The following BLOC1S5 variants were observed in gnomAD, a reference collection of about 807,000 sequenced individuals.
BLOC1S5 encodes biogenesis of lysosomal organelles complex 1 subunit 5.
A neutral mutation model predicts 24.3 loss-of-function variants in BLOC1S5; 27 were observed. The ratio of observed to expected loss-of-function variants is 1.11; its 90% CI spans 0.82 to 1.53. The LOEUF is 1.53. BLOC1S5 is among the 40% of genes most tolerant of loss of function. The pLI, the probability that BLOC1S5 is intolerant of heterozygous loss-of-function variation, is 0.00. For missense variants in BLOC1S5, 239 were observed against 229.4 expected (o/e 1.04, Z -0.27); for synonymous variants, 84 against 74.5 (o/e 1.13, Z -0.66).
intron 3 of BLOC1S5, among the ~76,000 whole-genome samples, chr6:8,028,349 A>T (rs1763177551): frequency 6.8e-6 from 1 of 146,304 alleles, no homozygotes; most frequent in African/African-American, 2.5e-5. Flanking sequence ...ATTGATTTTT[A>T]AAAAAGAAAA....
rs960051165 is a variant in BLOC1S5 at position 8,014,676 on chromosome 6, C to T, written c.*973G>A. 2.0e-5 allele frequency: 3 copies of T among 152,160 alleles called. No homozygotes were observed. Among genetic ancestry groups the T allele is most frequent in the Non-Finnish European group, 4.4e-5 (3 of 68,032 alleles). 9.4% of individuals were successfully genotyped at this position (152,160 alleles called of 1,614,324 possible). On this transcript the variant is annotated 3_prime_UTR_variant, in exon 5 of 5. Coordinates refer to ENST00000397457, the MANE Select transcript of BLOC1S5 (RefSeq NM_201280.3). Reference sequence around the variant, plus strand: ...CTGCTTATGAGAACAGACATTAACACTAAAAAGGATTTACATTTAACATGG... The same window carrying T: ...CTGCTTATGAGAACAGACATTAACATTAAAAAGGATTTACATTTAACATGG...
At chr6:8,042,909 A>C (rs1372867463) in intron 2 of BLOC1S5, among the ~76,000 whole-genome samples, 1 of 152,186 alleles carries the variant, frequency 6.6e-6, no homozygotes, top group African/African-American at 2.4e-5. Context: ...ATTACACTTT[A>C]CATGTGTTGT....
chr6:8,013,670 C>T lies in BLOC1S5; in HGVS notation c.*1979G>A, dbSNP rs1176721779. ...GTTAAGAATATATTCCCTTCACACACACAATCTTAATTTCTTGGTTACAGC... is the reference window on the plus strand; with the variant it reads ...GTTAAGAATATATTCCCTTCACACATACAATCTTAATTTCTTGGTTACAGC... On this transcript the variant is annotated 3_prime_UTR_variant, in exon 5 of 5. Coordinates refer to ENST00000397457, the MANE Select transcript of BLOC1S5 (RefSeq NM_201280.3). 6.6e-6 allele frequency: 1 copy of T among 152,230 alleles called. No homozygotes were observed. The highest frequency in any genetic ancestry group is 2.4e-5 in the African/African-American group (1 of 41,464). The allele number at this position is 152,230 out of a possible 1,614,324, so 9.4% of individuals were successfully genotyped here. A position where few individuals can be genotyped will look rare whatever the true frequency, so the allele number is the denominator to read the frequency against.
intron 3 of BLOC1S5, chr6:8,027,424 T>C (rs147024231): frequency 2.6e-4 from 119 of 456,734 alleles, no homozygotes; most frequent in African/African-American, 8.8e-4. Flanking sequence ...TAACAACTAA[T>C]AACAGGGCTT....
chr6:8,020,496 A>T (rs991120124), intron 4 of BLOC1S5, among the ~76,000 whole-genome samples: 1 of 152,166 alleles, frequency 6.6e-6, no homozygotes, highest in East Asian at 1.9e-4. Context: ...CATTTCCCTA[A>T]GCTAGTTACC....
At chr6:8,027,941 T>C (rs1269094145) in intron 3 of BLOC1S5, among the ~76,000 whole-genome samples, 1 of 152,200 alleles carries the variant, frequency 6.6e-6, no homozygotes, top group Non-Finnish European at 1.5e-5. Flanking sequence ...AATTAAACTG[T>C]TTTGTTTCAA....
chr6:8,016,603 G>A (rs1041783458), intron 4 of BLOC1S5, among the ~76,000 whole-genome samples: 2 of 151,590 alleles, frequency 1.3e-5, no homozygotes, highest in South Asian at 2.1e-4. Flanking sequence ...AGAGTGGCTC[G>A]CACCTGTAAT....
At chr6:8,046,224 T>G (rs111897302) in intron 2 of BLOC1S5, among the ~76,000 whole-genome samples, 3,591 of 152,294 alleles carry the variant, frequency 0.024, 144 homozygotes, top group African/African-American at 0.08. Flanking sequence ...CATTTTCACT[T>G]GCTGCCACCA....
chr6:8,020,988 G>C (rs531074320), intron 4 of BLOC1S5, among the ~76,000 whole-genome samples: 1 of 152,164 alleles, frequency 6.6e-6, no homozygotes, highest in Admixed American at 6.5e-5. Flanking sequence ...AGCCAAAGGT[G>C]GGAGAACCTA....
At chr6:8,032,952 A>G (rs1204169610) in intron 3 of BLOC1S5, among the ~76,000 whole-genome samples, 2 of 152,156 alleles carry the variant, frequency 1.3e-5, no homozygotes, top group African/African-American at 2.4e-5. Flanking sequence ...GGAGAACTAC[A>G]AACCACTGCT....
In BLOC1S5 at chr6:8,038,546, G is replaced by A. The variant is rs530746011; in HGVS notation, c.325+2593C>T. ...GTTGCCCAGGCTGGAGTGCCGTGGCGCTATCTTGGCTCACTGCAAGCTCTG... is the reference window on the plus strand; with the variant it reads ...GTTGCCCAGGCTGGAGTGCCGTGGCACTATCTTGGCTCACTGCAAGCTCTG... On this transcript the variant is annotated intron_variant, in intron 3 of 4. Transcript: ENST00000397457. 1.1e-3 allele frequency among the ~76,000 whole-genome samples: 166 copies of A among 152,194 alleles called. 2 individuals are homozygous for A. The highest frequency in any genetic ancestry group is 3.8e-3 in the African/African-American group (157 of 41,516).
intron 2 of BLOC1S5, among the ~76,000 whole-genome samples, chr6:8,042,064 C>T (rs1252122048): frequency 6.6e-6 from 1 of 151,962 alleles, no homozygotes; most frequent in Non-Finnish European, 1.5e-5. Flanking sequence ...GCCTCATAAC[C>T]CAGAGGCATT....
intron 4 of BLOC1S5, among the ~76,000 whole-genome samples, chr6:8,025,449 G>A (rs1338822185): frequency 1.3e-5 from 2 of 152,182 alleles, no homozygotes; most frequent in African/African-American, 4.8e-5. Flanking sequence ...CTGTGGCCCT[G>A]CTTCCTGACT....
At chr6:8,016,352 G>T (rs12199940) in intron 4 of BLOC1S5, among the ~76,000 whole-genome samples, 1 of 151,470 alleles carries the variant, frequency 6.6e-6, no homozygotes, top group African/African-American at 2.4e-5. Context: ...TTTTTAAAGC[G>T]TCTAGTATCT....
chr6:8,062,335 A>G (rs1023037098), intron 2 of BLOC1S5, among the ~76,000 whole-genome samples, 199 bp downstream of exon 2: 3 of 152,188 alleles, frequency 2.0e-5, no homozygotes, highest in Non-Finnish European at 4.4e-5. Flanking sequence ...AGCAGGCACC[A>G]GAACTTATGT....
intron 2 of BLOC1S5, among the ~76,000 whole-genome samples, chr6:8,044,214 G>C (rs534232245): frequency 6.6e-6 from 1 of 150,738 alleles, no homozygotes; most frequent in East Asian, 1.9e-4. Flanking sequence ...AACCTGGGAG[G>C]TGGGGGTTAC....
chr6:8,063,018 C>A (rs563397520), intron 1 of BLOC1S5, among the ~76,000 whole-genome samples: 6 of 151,896 alleles, frequency 4.0e-5, no homozygotes, highest in Non-Finnish European at 8.8e-5. Context: ...CAGAGTTACA[C>A]TTATCAACAT....
At chr6:8,019,069 C>A (rs1469733985) in intron 4 of BLOC1S5, among the ~76,000 whole-genome samples, 1 of 152,130 alleles carries the variant, frequency 6.6e-6, no homozygotes, top group African/African-American at 2.4e-5. Flanking sequence ...TGAATAAAGA[C>A]AAACATATTC....
At chr6:8,057,800 T>C (rs1206274392) in intron 2 of BLOC1S5, among the ~76,000 whole-genome samples, 1 of 152,320 alleles carries the variant, frequency 6.6e-6, no homozygotes, top group East Asian at 1.9e-4. Context: ...TTAAATACTT[T>C]TCTTTTTGTC....
Sources: gnomAD v4.1 joint callset for allele counts (sites outside exome capture counted in the v4.1 genomes callset) on GRCh38, gnomAD v4.1.1 for gene constraint, MANE v1.5 for transcripts, NCBI Gene and HGNC (gene_info 2026-07-23, HGNC 2026-07-21) for gene names.